The following ARHGAP15 variants were observed in gnomAD, a reference collection of about 807,000 sequenced individuals.
ARHGAP15 encodes the protein Rho GTPase activating protein 15.
Under a neutral mutation model 63.7 loss-of-function variants are expected in ARHGAP15, and 51 were observed. That is an observed-to-expected ratio of 0.80 (90% CI 0.64 to 1.01). The LOEUF (loss-of-function observed/expected upper bound fraction) is 1.01. Ranked by LOEUF, ARHGAP15 falls within the 50% of genes least tolerant of loss-of-function variation. ARHGAP15 has a pLI of 0.00. For missense variants in ARHGAP15, 560 were observed against 564.6 expected, an observed-to-expected ratio of 0.99 and a Z score of 0.08; for synonymous variants, 191 against 193.8, an observed-to-expected ratio of 0.99 and a Z score of 0.12.
At chr2:143,461,576 A>C (rs1295973156) in intron 8 of ARHGAP15, among the ~76,000 whole-genome samples, 1 of 152,182 alleles carries the variant, frequency 6.6e-6, no homozygotes, top group African/African-American at 2.4e-5. Context: ...CCCACCATTA[A>C]AAGGAAGCAA....
chr2:143,405,825 A>T (rs1688177541), intron 6 of ARHGAP15, among the ~76,000 whole-genome samples: 1 of 151,936 alleles, frequency 6.6e-6, no homozygotes, highest in East Asian at 1.9e-4. Context: ...ATTGACATAA[A>T]GAAGTCTGAA....
At chr2:143,740,726 C>T (rs1685930997) in intron 13 of ARHGAP15, among the ~76,000 whole-genome samples, 1 of 152,064 alleles carries the variant, frequency 6.6e-6, no homozygotes, top group African/African-American at 2.4e-5. Context: ...CCAAAACTGT[C>T]AGTAGCACAG....
chr2:143,652,101 C>T (rs1482185188), intron 12 of ARHGAP15, among the ~76,000 whole-genome samples: 1 of 151,950 alleles, frequency 6.6e-6, no homozygotes, highest in African/African-American at 2.4e-5. Flanking sequence ...AACCACACTT[C>T]TTTATTAGTG....
At chr2:143,456,545 G>A (rs1690663352) in intron 8 of ARHGAP15, among the ~76,000 whole-genome samples, 1 of 151,808 alleles carries the variant, frequency 6.6e-6, no homozygotes, top group South Asian at 2.1e-4. Flanking sequence ...GTATCAGTAT[G>A]AATTAAAAAA....
intron 12 of ARHGAP15, among the ~76,000 whole-genome samples, chr2:143,659,114 C>G (rs183151682): frequency 6.6e-6 from 1 of 152,180 alleles, no homozygotes; most frequent in Non-Finnish European, 1.5e-5. Context: ...CTCATGCAAC[C>G]TCATACAGCT....
chr2:143,232,537 C>T (rs963917553), intron 5 of ARHGAP15, among the ~76,000 whole-genome samples: 11 of 151,944 alleles, frequency 7.2e-5, no homozygotes, highest in African/African-American at 2.7e-4. Flanking sequence ...ATACAGAAAC[C>T]ATTTTAAGTA....
chr2:143,256,450 C>G (rs1680432406), intron 6 of ARHGAP15, among the ~76,000 whole-genome samples: 1 of 152,024 alleles, frequency 6.6e-6, no homozygotes, highest in South Asian at 2.1e-4. Flanking sequence ...ATGTGCTATT[C>G]TTAGTGGCAT....
At chr2:143,310,261 AGTTT>A (rs1237341695) in intron 6 of ARHGAP15, among the ~76,000 whole-genome samples, 1 of 152,078 alleles carries the variant, frequency 6.6e-6, no homozygotes, top group African/African-American at 2.4e-5. Context: ...TTTTATTCTT[AGTTT>A]GTTTCATCAA....
At position 143,710,069 on chromosome 2, in the gene ARHGAP15, A is replaced by G. The variant is rs189700746; in HGVS notation, c.1244+6545A>G. 4.6e-3 allele frequency among the ~76,000 whole-genome samples: 699 copies of G among 152,332 alleles called. 1 individual carries two copies. Among genetic ancestry groups the G allele is most frequent in the Non-Finnish European group, 8.1e-3 (551 of 68,026 alleles). On this transcript the variant is annotated intron_variant, in intron 13 of 13. Coordinates refer to ENST00000295095, the MANE Select transcript of ARHGAP15 (RefSeq NM_018460.4). Reference sequence around the variant, plus strand: ...CACTTTGGTCTTTCACCCAACCACAATACCTGATATCCAAAGACTTGCAGA... The same window carrying G: ...CACTTTGGTCTTTCACCCAACCACAGTACCTGATATCCAAAGACTTGCAGA...
chr2:143,491,127 T>C (rs1692563397), intron 9 of ARHGAP15, among the ~76,000 whole-genome samples: 1 of 152,212 alleles, frequency 6.6e-6, no homozygotes, highest in South Asian at 2.1e-4. Context: ...CAAGGAATGG[T>C]GAGCCCTTTT....
intron 6 of ARHGAP15, among the ~76,000 whole-genome samples, chr2:143,337,955 T>A (rs1200404835): frequency 6.6e-6 from 1 of 152,180 alleles, no homozygotes; most frequent in East Asian, 1.9e-4. Flanking sequence ...AAATGTAAAT[T>A]TTTGAAGGCA....
intron 11 of ARHGAP15, among the ~76,000 whole-genome samples, chr2:143,568,114 G>C (rs935491720): frequency 2.0e-5 from 3 of 152,086 alleles, no homozygotes; most frequent in Non-Finnish European, 4.4e-5. Context: ...GCATGGGCAA[G>C]GACTTCATGA....
chr2:143,197,392 C>A (rs1208776600), intron 2 of ARHGAP15, among the ~76,000 whole-genome samples: 1 of 151,886 alleles, frequency 6.6e-6, no homozygotes, highest in Non-Finnish European at 1.5e-5. Flanking sequence ...TAATCGATAT[C>A]TATATAAGTA....
intron 6 of ARHGAP15, among the ~76,000 whole-genome samples, chr2:143,324,258 T>A (rs527870366): frequency 7.9e-5 from 12 of 152,044 alleles, no homozygotes; most frequent in African/African-American, 2.9e-4. Flanking sequence ...AAGGTTAATA[T>A]TTTTTTTACA....
intron 6 of ARHGAP15, among the ~76,000 whole-genome samples, chr2:143,400,873 G>T (rs184758236): frequency 2.8e-4 from 43 of 152,114 alleles, no homozygotes; most frequent in Non-Finnish European, 5.4e-4. Flanking sequence ...GGGACTTATT[G>T]ATTTTTGAGT....
chr2:143,364,587 C>A (rs1204760401), intron 6 of ARHGAP15, among the ~76,000 whole-genome samples: 4 of 152,056 alleles, frequency 2.6e-5, no homozygotes, highest in Non-Finnish European at 4.4e-5. Flanking sequence ...AAAAATTATG[C>A]CCCAATGAAG....
rs577006173 is a variant in ARHGAP15 at position 143,490,257 on chromosome 2, C to T, written c.826+2762C>T. Among the ~76,000 whole-genome samples, 7 of 152,318 alleles carry T rather than the reference C, an allele frequency of 4.6e-5. No homozygotes were observed. The South Asian group carries it at 1.4e-3, about 32-fold the overall frequency. On this transcript the variant is annotated intron_variant, in intron 9 of 13. Transcript: ENST00000295095. Reference sequence around the variant, plus strand: ...CTCGTGATCCACCCGCCTCAGCCTCCCAAAGTGACGGGATTACAGGCATGA... The same window carrying T: ...CTCGTGATCCACCCGCCTCAGCCTCTCAAAGTGACGGGATTACAGGCATGA...
intron 12 of ARHGAP15, among the ~76,000 whole-genome samples, chr2:143,668,275 ATTTTC>A (rs1682334911): frequency 7.1e-6 from 1 of 140,320 alleles, no homozygotes; most frequent in South Asian, 2.2e-4. Context: ...CCTTGATTCT[ATTTTC>A]TTTTTTTTTT....
intron 1 of ARHGAP15, among the ~76,000 whole-genome samples, chr2:143,140,816 G>C (rs1349878489): frequency 1.3e-5 from 2 of 152,132 alleles, no homozygotes; most frequent in Non-Finnish European, 2.9e-5. Flanking sequence ...ATGAGAACAA[G>C]GTGCAGCAGA....
Sources: gnomAD v4.1 joint callset for allele counts (sites outside exome capture counted in the v4.1 genomes callset) on GRCh38, gnomAD v4.1.1 for gene constraint, MANE v1.5 for transcripts, NCBI Gene and HGNC (gene_info 2026-07-23, HGNC 2026-07-21) for gene names.